FBXL17: variants seen among roughly 807,000 people sequenced by gnomAD.
FBXL17 encodes the protein F-box and leucine rich repeat protein 17.
FBXL17 carries 22 observed loss-of-function variants against 66.2 expected under a neutral mutation model. The ratio of observed to expected loss-of-function variants is 0.33; its 90% CI spans 0.24 to 0.47. FBXL17 has a LOEUF of 0.47. Among genes scored for constraint, FBXL17 ranks in the 20% least tolerant of loss-of-function variants. FBXL17 has a pLI of 1.00. For missense variants in FBXL17, 878 were observed against 948.2 expected (o/e 0.93, Z 0.97); for synonymous variants, 474 against 400.5 (o/e 1.18, Z -2.19).
chr5:108,299,621 C>A, intron 4 of FBXL17: 1 of 972,000 alleles, frequency 1.0e-6, no homozygotes, highest in African/African-American at 1.8e-5. Flanking sequence ...AATACCTATA[C>A]TTCAAAATGC....
At chr5:108,117,121 A>C (rs1209499476) in intron 6 of FBXL17, among the ~76,000 whole-genome samples, 1 of 152,188 alleles carries the variant, frequency 6.6e-6, no homozygotes, top group East Asian at 1.9e-4. Flanking sequence ...TAAATACTTA[A>C]GGACAGTTTG....
At chr5:107,869,411 C>G (rs138054186) in intron 8 of FBXL17, among the ~76,000 whole-genome samples, 75 of 152,100 alleles carry the variant, frequency 4.9e-4, no homozygotes, top group African/African-American at 1.8e-3. Flanking sequence ...CTAAGATGGG[C>G]ACATATTAAA....
intron 6 of FBXL17, among the ~76,000 whole-genome samples, chr5:108,073,867 A>G (rs544657384): frequency 1.3e-5 from 2 of 152,204 alleles, no homozygotes; most frequent in East Asian, 3.9e-4. Flanking sequence ...CCTCACCGGA[A>G]GCCAAGCAGA....
At chr5:108,318,461 A>G (rs921405966) in intron 4 of FBXL17, among the ~76,000 whole-genome samples, 2 of 151,746 alleles carry the variant, frequency 1.3e-5, no homozygotes, top group African/African-American at 4.8e-5. Flanking sequence ...TGTATACAGG[A>G]AAAAAAAGTT....
At chr5:108,173,009 C>G (rs1477439205) in intron 6 of FBXL17, among the ~76,000 whole-genome samples, 2 of 151,954 alleles carry the variant, frequency 1.3e-5, no homozygotes, top group Non-Finnish European at 2.9e-5. Flanking sequence ...CCATGTTGGT[C>G]AGGCTGCTCT....
At chr5:108,231,562 T>C (rs563109908) in intron 4 of FBXL17, among the ~76,000 whole-genome samples, 1 of 152,290 alleles carries the variant, frequency 6.6e-6, no homozygotes, top group African/African-American at 2.4e-5. Context: ...GTGCTTCCTG[T>C]TCCCGCAACA....
intron 7 of FBXL17, among the ~76,000 whole-genome samples, chr5:107,997,267 T>A (rs1753513362): frequency 6.6e-6 from 1 of 152,198 alleles, no homozygotes; most frequent in African/African-American, 2.4e-5. Context: ...ATACAGATAT[T>A]GAAGGTTGAT....
chr5:107,917,389 G>T (rs1750166543), intron 7 of FBXL17, among the ~76,000 whole-genome samples: 1 of 152,062 alleles, frequency 6.6e-6, no homozygotes, highest in Admixed American at 6.6e-5. Context: ...TTTAAAGAAG[G>T]TGAAAGATGA....
intron 7 of FBXL17, among the ~76,000 whole-genome samples, chr5:108,015,852 G>A (rs1754364533): frequency 6.6e-6 from 1 of 152,088 alleles, no homozygotes; most frequent in Non-Finnish European, 1.5e-5. Context: ...GGTGAGGTGT[G>A]GGTTACACCA....
At chr5:108,167,498 A>G (rs1752456013) in intron 6 of FBXL17, among the ~76,000 whole-genome samples, 1 of 152,210 alleles carries the variant, frequency 6.6e-6, no homozygotes, top group Non-Finnish European at 1.5e-5. Context: ...TTTTGGAACA[A>G]AAACAAAAAC....
intron 6 of FBXL17, among the ~76,000 whole-genome samples, chr5:108,031,970 A>G (rs1405728882): frequency 1.3e-5 from 2 of 152,178 alleles, no homozygotes; most frequent in East Asian, 1.9e-4. Flanking sequence ...GTTACATTTC[A>G]TAACGTTTGC....
chr5:108,033,291 C>G (rs1253897295), intron 6 of FBXL17, among the ~76,000 whole-genome samples: 1 of 152,084 alleles, frequency 6.6e-6, no homozygotes, highest in Non-Finnish European at 1.5e-5. Context: ...CATTTTACTC[C>G]TAAACACTTT....
chr5:108,106,393 C>G (rs536318179), intron 6 of FBXL17, among the ~76,000 whole-genome samples: 22 of 152,212 alleles, frequency 1.4e-4, no homozygotes, highest in African/African-American at 5.3e-4. Flanking sequence ...GCCATACGTC[C>G]CAGCCATTCT....
chr5:108,365,115 A>T (rs1230381760), intron 2 of FBXL17, 120 bp from the exon 3 acceptor site: 19 of 663,158 alleles, frequency 2.9e-5, no homozygotes, highest in Middle Eastern at 4.2e-4. Flanking sequence ...TGAACGATAT[A>T]ATCAAAAGAG....
chr5:108,298,154 G>A (rs549391983), intron 4 of FBXL17: 1 of 973,472 alleles, frequency 1.0e-6, no homozygotes, highest in South Asian at 4.8e-5. Context: ...TAGGGAGCAA[G>A]AAACATAAAG....
chr5:108,328,990 G>T (rs1759993017), intron 4 of FBXL17, among the ~76,000 whole-genome samples: 1 of 152,068 alleles, frequency 6.6e-6, no homozygotes, highest in South Asian at 2.1e-4. Context: ...AGAGACAGAG[G>T]TAATTATCTA....
chr5:107,886,008 T>G (rs1561517910), intron 7 of FBXL17, among the ~76,000 whole-genome samples: 1 of 151,772 alleles, frequency 6.6e-6, no homozygotes, highest in Non-Finnish European at 1.5e-5. Flanking sequence ...TGAACCCAAA[T>G]AAACAGCATA....
chr5:108,179,519 A>G (rs1175347035), intron 6 of FBXL17, among the ~76,000 whole-genome samples: 1 of 152,214 alleles, frequency 6.6e-6, no homozygotes, highest in Non-Finnish European at 1.5e-5. Context: ...TCATGAACCA[A>G]ACACTAAACA....
At chr5:108,167,288 C>T (rs1169296573) in intron 6 of FBXL17, among the ~76,000 whole-genome samples, 1 of 152,104 alleles carries the variant, frequency 6.6e-6, no homozygotes, top group East Asian at 1.9e-4. Context: ...AACCATGAGG[C>T]TAAGATGGTG....
Sources: allele counts gnomAD v4.1 joint callset (sites outside exome capture counted in the v4.1 genomes callset), GRCh38; gene constraint gnomAD v4.1.1; transcripts MANE v1.5; gene names NCBI Gene and HGNC (gene_info 2026-07-23, HGNC 2026-07-21).